PTPN11: variants seen among roughly 807,000 people sequenced by gnomAD.
PTPN11 encodes the protein tyrosine-protein phosphatase non-receptor type 11.
In PTPN11, 6 loss-of-function variants were observed where a neutral mutation model predicts 78.8. The ratio of observed to expected loss-of-function variants is 0.08; its 90% confidence interval spans 0.04 to 0.15. The LOEUF (loss-of-function observed/expected upper bound fraction) is 0.15, where lower values mean the gene tolerates loss of function less well. Ranked by LOEUF, PTPN11 falls within the 10% of genes least tolerant of loss-of-function variation. PTPN11 has a pLI of 1.00. For synonymous variants in PTPN11, 221 were observed against 263.5 expected, an observed-to-expected ratio of 0.84 and a Z score of 1.56; for missense variants, 386 against 744.8, an observed-to-expected ratio of 0.52 and a Z score of 5.61.
intron 2 of PTPN11, among the ~76,000 whole-genome samples, chr12:112,447,214 A>G (rs2135857481): frequency 6.6e-6 from 1 of 152,240 alleles, no homozygotes; most frequent in East Asian, 1.9e-4. Context: ...GAGTTTCTTC[A>G]GATCACTTTC....
chr12:112,420,543 T>C (rs2037507808), intron 1 of PTPN11, among the ~76,000 whole-genome samples: 1 of 151,964 alleles, frequency 6.6e-6, no homozygotes, highest in South Asian at 2.1e-4. Context: ...AGGGTTTCAC[T>C]ATGTTGGCCA....
intron 5 of PTPN11, among the ~76,000 whole-genome samples, chr12:112,455,296 C>T (rs938845401): frequency 4.0e-5 from 5 of 125,876 alleles, no homozygotes; most frequent in Non-Finnish European, 8.0e-5. Context: ...AGTGCAGTGG[C>T]GTGTTCTTGG....
intron 7 of PTPN11, among the ~76,000 whole-genome samples, chr12:112,474,828 G>A (rs1028488061): frequency 4.6e-5 from 7 of 151,616 alleles, no homozygotes; most frequent in Non-Finnish European, 7.4e-5. Context: ...ACAGGGTTTC[G>A]TCATGTTGCC....
intron 1 of PTPN11, among the ~76,000 whole-genome samples, chr12:112,444,533 T>C (rs564833607): frequency 2.6e-5 from 4 of 151,986 alleles, no homozygotes; most frequent in African/African-American, 9.6e-5. Flanking sequence ...TAGAGATGGG[T>C]TTCTCCATGT....
At chr12:112,480,055 A>G (rs1435764429) in intron 9 of PTPN11, among the ~76,000 whole-genome samples, 1 of 152,224 alleles carries the variant, frequency 6.6e-6, no homozygotes, top group Non-Finnish European at 1.5e-5. Context: ...TAGTTCTCAC[A>G]TTTTAGAATT....
chr12:112,422,732 G>A (rs1023135438), intron 1 of PTPN11, among the ~76,000 whole-genome samples: 3 of 152,286 alleles, frequency 2.0e-5, no homozygotes. Context: ...AGGTCCTGAT[G>A]TAAGGCCAAG....
intron 6 of PTPN11, among the ~76,000 whole-genome samples, chr12:112,468,201 G>C (rs534767086): frequency 6.6e-6 from 1 of 152,322 alleles, no homozygotes; most frequent in South Asian, 2.1e-4. Flanking sequence ...AAGGCCAGTG[G>C]AGAAGGATGG....
chr12:112,484,963 T>A (rs978511719), intron 10 of PTPN11, among the ~76,000 whole-genome samples: 3 of 151,932 alleles, frequency 2.0e-5, no homozygotes, highest in African/African-American at 7.3e-5. Flanking sequence ...ACATCCCTTT[T>A]AAAAATGTCA....
At position 112,504,626 on chromosome 12, in the gene PTPN11, G is replaced by T; in HGVS notation, c.1713-69G>T. The stretch of plus-strand genomic sequence containing the variant: ...CAAAGAATGTAGTATGTGTTTTATA[G>T]ATATCATGTAAGCTTAAACAGCGTG... On this transcript the variant is annotated intron_variant, in intron 14 of 15. Transcript: ENST00000351677. This position sits in a 1 kb window ranked among gnomAD's most constrained non-coding sequence, Gnocchi z 4.7. The T allele has an allele frequency of 8.6e-7, 1 of 1,157,332 alleles. No individual in the cohort carries two copies. Among genetic ancestry groups the T allele is most frequent in the South Asian group, 1.3e-5 (1 of 76,782 alleles). 71.7% of individuals were successfully genotyped at this position (1,157,332 alleles called of 1,614,324 possible).
At chr12:112,425,065 G>T (rs1459480799) in intron 1 of PTPN11, among the ~76,000 whole-genome samples, 4 of 150,254 alleles carry the variant, frequency 2.7e-5, no homozygotes, top group African/African-American at 9.8e-5. Context: ...TGTTGCCCAG[G>T]CTGGTCTCAA....
chr12:112,446,240 T>C (rs745795958), intron 1 of PTPN11, 36 bp from the exon 2 acceptor site: 1 of 1,612,706 alleles, frequency 6.2e-7, no homozygotes, highest in South Asian at 1.1e-5. Flanking sequence ...GACAGTGTCT[T>C]GTTTTTTTAT....
At chr12:112,474,726 C>T (rs1334038336) in intron 7 of PTPN11, among the ~76,000 whole-genome samples, 1 of 152,086 alleles carries the variant, frequency 6.6e-6, no homozygotes, top group Admixed American at 6.6e-5. Flanking sequence ...GTGGTCCTTC[C>T]CACCCCAGCC....
chr12:112,490,532 C>A (rs975229364), intron 13 of PTPN11, among the ~76,000 whole-genome samples: 10 of 152,278 alleles, frequency 6.6e-5, no homozygotes, highest in Admixed American at 5.2e-4. Flanking sequence ...GTCTCGAATT[C>A]CTAGGCTCAA....
intron 2 of PTPN11, among the ~76,000 whole-genome samples, chr12:112,446,711 G>A (rs1052872171): frequency 5.3e-5 from 8 of 150,954 alleles, no homozygotes; most frequent in Non-Finnish European, 1.0e-4. Flanking sequence ...CCTTCCTGTT[G>A]ATTTATTTAA....
chr12:112,468,912 G>T (rs533044334), intron 6 of PTPN11, among the ~76,000 whole-genome samples: 2 of 152,220 alleles, frequency 1.3e-5, no homozygotes, highest in South Asian at 4.2e-4. Context: ...AAAAGGAAAA[G>T]AATTAGCCAG....
intron 7 of PTPN11, among the ~76,000 whole-genome samples, chr12:112,473,904 A>AT (rs987540210): frequency 1.1e-4 from 16 of 150,590 alleles, no homozygotes; most frequent in African/African-American, 3.2e-4. Flanking sequence ...GTACCTTTCA[A>AT]TTTTTTTTTG....
rs964438958 is a variant in PTPN11 at position 112,484,723 on chromosome 12, G to C, written c.1225-1752G>C. On this transcript the variant is annotated intron_variant, in intron 10 of 15. Transcript: ENST00000351677. ...GGAACTGGAACAATGTAGCTGTCAA[G>C]TGGAAATGGGAGAAAGGGCTGGGCG... 6.6e-5 allele frequency among the ~76,000 whole-genome samples: 10 copies of C among 152,044 alleles called. No homozygotes were observed. The East Asian group carries it at 1.9e-3, about 30-fold the overall frequency.
chr12:112,473,961 T>C (rs1183619008), intron 7 of PTPN11, among the ~76,000 whole-genome samples: 1 of 152,194 alleles, frequency 6.6e-6, no homozygotes, highest in Non-Finnish European at 1.5e-5. Flanking sequence ...CAGCTCACTG[T>C]AGCCTCAACC....
chr12:112,436,626 G>A (rs577960361), intron 1 of PTPN11, among the ~76,000 whole-genome samples: 1 of 152,198 alleles, frequency 6.6e-6, no homozygotes, highest in African/African-American at 2.4e-5. Flanking sequence ...AGTGCTAGAA[G>A]AGCAAAATAT....
Sources: allele counts gnomAD v4.1 joint callset (sites outside exome capture counted in the v4.1 genomes callset), GRCh38; gene constraint gnomAD v4.1.1; non-coding constraint Gnocchi (gnomAD v3.1); transcripts MANE v1.5; gene names NCBI Gene and HGNC (gene_info 2026-07-23, HGNC 2026-07-21).